The following UNC45B variants were observed in gnomAD, a reference collection of about 807,000 sequenced individuals.
UNC45B encodes protein unc-45 homolog B.
A neutral mutation model predicts 98.7 loss-of-function variants in UNC45B; 78 were observed. That is an observed-to-expected ratio of 0.79 (90% CI 0.66 to 0.95). The LOEUF is 0.95. Ranked by LOEUF, UNC45B falls within the 40% of genes least tolerant of loss-of-function variation. The pLI is 0.00. For synonymous variants in UNC45B, 462 were observed against 480.4 expected (o/e 0.96, Z 0.50); for missense variants, 1,225 against 1,184.9 (o/e 1.03, Z -0.50).
chr17:35,177,227 GGCATGGT>G, intron 16 of UNC45B, 97 bp downstream of exon 16: 2 of 1,152,654 alleles, frequency 1.7e-6, no homozygotes, highest in East Asian at 5.0e-5. Flanking sequence ...CTGGGACAGG[GGCATGGT>G]GCTGTCACAC....
rs984151318 is a variant in UNC45B at position 35,171,256 on chromosome 17, T to C, written c.1690-66T>C. 43 of 1,581,094 alleles carry C rather than the reference T, an allele frequency of 2.7e-5. 1 individual carries two copies. In the South Asian group the frequency reaches 4.4e-4, roughly 16 times the overall value. The stretch of plus-strand genomic sequence containing the variant: ...CTGCCGGCCACGTGAGGGAGCATCC[T>C]GGAAGCAGAGGTTTGTCCTAAAGTT... On this transcript the variant is annotated intron_variant, in intron 12 of 19. Coordinates refer to ENST00000394570, the MANE Select transcript of UNC45B (RefSeq NM_001267052.2).
Position 35,171,339 on chromosome 17 carries a change from C to G in UNC45B, c.1707C>G (p.Ile569Met). 6.2e-7 allele frequency: 1 copy of G among 1,614,166 alleles called. No homozygotes were observed. Among genetic ancestry groups the G allele is most frequent in the African/African-American group, 1.3e-5 (1 of 75,048 alleles). Residue 569 changes from isoleucine to methionine, a missense_variant, in exon 13 of 20, where the codon ATC (isoleucine) becomes ATG (methionine). Ile to Met is a conservative substitution (Grantham distance 10, BLOSUM62 1). Transcript: ENST00000394570. ...CCTTCCAGACCAGTGACAAGACCAT[C>G]CTGTACTCGGTGGCCACCACCCTGG... is the stretch of plus-strand genomic sequence containing the variant. ...FELAKTSDKT[I>M]LYSVATTLVN...
chr17:35,171,224 C>G (rs1249295311), intron 12 of UNC45B, 98 bp from the exon 13 acceptor site: 20 of 1,513,574 alleles, frequency 1.3e-5, no homozygotes, highest in Non-Finnish European at 1.8e-5. Context: ...ACTCCTCCGA[C>G]ACCAACCTGC....
Position 35,149,024 on chromosome 17 carries a change from C to T in UNC45B, c.205+15C>T. On this transcript the variant is annotated intron_variant, in intron 3 of 19. Transcript: ENST00000394570. Reference sequence around the variant, plus strand: ...TGCCTCCAGAGGTGAGCCCCTCCCACCTCCAAGCTTGCCCTGTCACATTCT... The same window carrying T: ...TGCCTCCAGAGGTGAGCCCCTCCCATCTCCAAGCTTGCCCTGTCACATTCT... The T allele has an allele frequency of 3.1e-6, 5 of 1,614,132 alleles. No individual in the cohort carries two copies. Among genetic ancestry groups the T allele is most frequent in the Non-Finnish European group, 4.2e-6 (5 of 1,180,004 alleles).
chr17:35,174,943 GAAAGAAAGAAAAAGAA>G (rs1401355093), intron 14 of UNC45B, among the ~76,000 whole-genome samples: 4 of 89,168 alleles, frequency 4.5e-5, no homozygotes, highest in Non-Finnish European at 8.7e-5. Flanking sequence ...GAAAGAAAAA[GAAAGAAAGAAAAAGAA>G]AGAGAAAGAA....
Position 35,186,612 on chromosome 17 carries a change from G to A in UNC45B, c.*53G>A. ...GGTCCTGTACTGTGCAGAGTCCTGG[G>A]TTGGTTGGGTTCTCCTGAAGAGTCA... is the stretch of plus-strand genomic sequence containing the variant. On this transcript the variant is annotated 3_prime_UTR_variant, in exon 20 of 20. Coordinates refer to ENST00000394570, the MANE Select transcript of UNC45B (RefSeq NM_001267052.2). The A allele has an allele frequency of 3.1e-6, 5 of 1,587,584 alleles. No individual in the cohort carries two copies. In the Admixed American group the frequency reaches 5.1e-5, roughly 16 times the overall value.
At chr17:35,171,193 A>G (rs2092182685) in intron 12 of UNC45B, 129 bp from the exon 13 acceptor site, 1 of 1,200,884 alleles carries the variant, frequency 8.3e-7, no homozygotes, top group African/African-American at 1.5e-5. Context: ...GTCTTTCCTC[A>G]GAATGGGCCC....
At chr17:35,179,219 C>G (rs986328981) in intron 17 of UNC45B, among the ~76,000 whole-genome samples, 6 of 152,176 alleles carry the variant, frequency 3.9e-5, no homozygotes, top group Non-Finnish European at 8.8e-5. Context: ...TTTGTGTCCT[C>G]TTTTATTTTG....
chr17:35,156,140 G>A (rs1021560950), intron 7 of UNC45B, among the ~76,000 whole-genome samples: 1 of 152,196 alleles, frequency 6.6e-6, no homozygotes, highest in Non-Finnish European at 1.5e-5. Context: ...GAGATACTTA[G>A]AGTAGTCAAA....
chr17:35,183,338 G>A, intron 18 of UNC45B, 89 bp from the exon 19 acceptor site: 1 of 1,359,542 alleles, frequency 7.4e-7, no homozygotes, highest in Non-Finnish European at 9.6e-7. Context: ...AAGAGATCTT[G>A]GGTCAGAGAA....
intron 19 of UNC45B, among the ~76,000 whole-genome samples, chr17:35,184,093 A>T (rs1344175982): frequency 6.6e-6 from 1 of 152,190 alleles, no homozygotes; most frequent in Non-Finnish European, 1.5e-5. Flanking sequence ...CACCAAACTG[A>T]AGAGTTTGTG....
chr17:35,154,214 T>C (rs921882677), intron 5 of UNC45B, among the ~76,000 whole-genome samples: 1 of 152,196 alleles, frequency 6.6e-6, no homozygotes, highest in South Asian at 2.1e-4. Context: ...CTCCACCTTT[T>C]TTCTAGTCCT....
Position 35,159,563 on chromosome 17 carries a change from T to C in UNC45B, c.979+18T>C. ...GGATAATGGTGAGAAGAGGGGAAGGTTTGGGGCTTGCTCAAGCCTTTTAAG... is the reference window on the plus strand; with the variant it reads ...GGATAATGGTGAGAAGAGGGGAAGGCTTGGGGCTTGCTCAAGCCTTTTAAG... On this transcript the variant is annotated intron_variant, in intron 8 of 19. Transcript: ENST00000394570. 1 of 1,607,454 alleles carries C rather than the reference T, an allele frequency of 6.2e-7. No homozygotes were observed. The highest frequency in any genetic ancestry group is 8.5e-7 in the Non-Finnish European group (1 of 1,175,110).
At chr17:35,167,736 C>T (rs1302476215) in intron 9 of UNC45B, among the ~76,000 whole-genome samples, 1 of 152,184 alleles carries the variant, frequency 6.6e-6, no homozygotes, top group Non-Finnish European at 1.5e-5. Context: ...CCTCCCTCTG[C>T]CCCAGTCCTG....
intron 5 of UNC45B, among the ~76,000 whole-genome samples, chr17:35,153,830 ACCTCCTCC>A (rs1247165455): frequency 6.7e-6 from 1 of 150,370 alleles, no homozygotes; most frequent in Non-Finnish European, 1.5e-5. Flanking sequence ...CTCTTTGCCC[ACCTCCTCC>A]CCTTCCCCTT....
intron 14 of UNC45B, among the ~76,000 whole-genome samples, chr17:35,174,829 G>A (rs1042335795): frequency 6.8e-6 from 1 of 146,386 alleles, no homozygotes; most frequent in Non-Finnish European, 1.5e-5. Context: ...CTATACAAAA[G>A]AGAAATAAAG....
At chr17:35,180,128 G>T (rs916437250) in intron 17 of UNC45B, among the ~76,000 whole-genome samples, 19 of 152,094 alleles carry the variant, frequency 1.2e-4, no homozygotes, top group Admixed American at 1.2e-3. Flanking sequence ...AGCTGCCTTA[G>T]GTTCCTGTTC....
chr17:35,181,907 G>A (rs929527494), intron 18 of UNC45B, among the ~76,000 whole-genome samples: 2 of 152,142 alleles, frequency 1.3e-5, no homozygotes, highest in Non-Finnish European at 2.9e-5. Context: ...GACAGAGAGT[G>A]TGTCCAAGGA....
intron 4 of UNC45B, 135 bp downstream of exon 4, chr17:35,150,358 G>C: frequency 1.0e-6 from 1 of 958,134 alleles, no homozygotes; most frequent in Non-Finnish European, 1.5e-6. Flanking sequence ...ACAGCAAGTG[G>C]CATGGGCAGG....
Sources: allele counts gnomAD v4.1 joint callset (sites outside exome capture counted in the v4.1 genomes callset), GRCh38; gene constraint gnomAD v4.1.1; transcripts MANE v1.5; gene names NCBI Gene and HGNC (gene_info 2026-07-23, HGNC 2026-07-21).